Variants in BAZ2B observed in about 807,000 individuals in gnomAD.
BAZ2B encodes the protein bromodomain adjacent to zinc finger domain protein 2B.
BAZ2B carries 91 observed loss-of-function variants against 246.0 expected under a neutral mutation model. The observed-to-expected ratio is 0.37, with a 90% CI of 0.31 to 0.44. The LOEUF (loss-of-function observed/expected upper bound fraction) is 0.44. BAZ2B is among the 20% of genes least tolerant of loss of function. BAZ2B has a pLI of 1.00. For missense variants in BAZ2B, 2,332 were observed against 2,533.7 expected, an observed-to-expected ratio of 0.92 and a Z score of 1.71; for synonymous variants, 855 against 860.0, an observed-to-expected ratio of 0.99 and a Z score of 0.10.
At chr2:159,522,816 C>T (rs142155840) in intron 2 of BAZ2B, among the ~76,000 whole-genome samples, 90 of 152,152 alleles carry the variant, frequency 5.9e-4, no homozygotes, top group African/African-American at 1.9e-3. Flanking sequence ...GAGAAACAGA[C>T]GCTTTAAACG....
chr2:159,412,634 C>A, intron 13 of BAZ2B, 89 bp from the exon 14 acceptor site: 2 of 1,313,638 alleles, frequency 1.5e-6, no homozygotes, highest in Non-Finnish European at 2.1e-6. Flanking sequence ...CTAAAAATCA[C>A]ATATATTTTG....
intron 22 of BAZ2B, 133 bp from the exon 23 acceptor site, chr2:159,385,502 A>C (rs1044753669): frequency 1.0e-5 from 7 of 701,730 alleles, no homozygotes; most frequent in Non-Finnish European, 1.6e-5. Flanking sequence ...TTTTTAATGA[A>C]AGAGACACAA....
At chr2:159,628,246 A>G in the BAZ2B span, among the ~76,000 whole-genome samples, 1 of 152,254 alleles carries the variant, frequency 6.6e-6, no homozygotes, top group South Asian at 2.1e-4. Flanking sequence ...CATACTGCCC[A>G]AAGTAATTTA....
At chr2:159,512,257 TA>T (rs2151192921) in intron 2 of BAZ2B, among the ~76,000 whole-genome samples, 1 of 152,320 alleles carries the variant, frequency 6.6e-6, no homozygotes, top group Admixed American at 6.5e-5. Flanking sequence ...AAAAACATCA[TA>T]AATGTAAACA....
intron 36 of BAZ2B, among the ~76,000 whole-genome samples, chr2:159,321,447 T>G (rs1374149413): frequency 2.0e-5 from 3 of 152,104 alleles, no homozygotes; most frequent in African/African-American, 7.2e-5. Flanking sequence ...AAAGAGATAT[T>G]TGCACTCCTA....
chr2:159,706,365 G>T, the BAZ2B span, among the ~76,000 whole-genome samples: 89 of 152,278 alleles, frequency 5.8e-4, no homozygotes, highest in African/African-American at 2.1e-3. Context: ...AAAAATTTAA[G>T]ATAAAACAGG....
chr2:159,479,199 T>TC (rs1421416366), intron 2 of BAZ2B, among the ~76,000 whole-genome samples: 1 of 152,012 alleles, frequency 6.6e-6, no homozygotes, highest in East Asian at 1.9e-4. Context: ...GGCCTGGGAA[T>TC]CCCCCCCATA....
intron 1 of BAZ2B, among the ~76,000 whole-genome samples, chr2:159,563,771 C>T (rs184126182): frequency 5.9e-5 from 9 of 152,182 alleles, no homozygotes; most frequent in African/African-American, 2.2e-4. Context: ...ATACTTAATG[C>T]CACTGAATAC....
At chr2:159,373,999 C>T (rs61589375) in intron 26 of BAZ2B, among the ~76,000 whole-genome samples, 2,363 of 151,682 alleles carry the variant, frequency 0.016, 73 homozygotes, top group African/African-American at 0.054. Context: ...CCTTTGAAAA[C>T]TCATTTTTGT....
intron 8 of BAZ2B, chr2:159,434,899 C>G (rs949795635): frequency 1.1e-4 from 17 of 151,978 alleles, no homozygotes; most frequent in Middle Eastern, 3.2e-3. Flanking sequence ...ACTTATTTAA[C>G]TATTAGAATC....
the BAZ2B span, among the ~76,000 whole-genome samples, chr2:159,701,770 C>G: frequency 4.0e-5 from 6 of 150,418 alleles, no homozygotes; most frequent in African/African-American, 1.5e-4. Flanking sequence ...ACTCTGTCAC[C>G]CAGGATGGAG....
At chr2:159,657,869 T>C in the BAZ2B span, among the ~76,000 whole-genome samples, 1 of 152,224 alleles carries the variant, frequency 6.6e-6, no homozygotes, top group Non-Finnish European at 1.5e-5. Flanking sequence ...ATTCTTTAAA[T>C]CTGCAAACAA....
intron 1 of BAZ2B, among the ~76,000 whole-genome samples, chr2:159,601,361 C>T (rs1052729323): frequency 5.1e-4 from 77 of 151,660 alleles, no homozygotes; most frequent in African/African-American, 1.9e-3. Context: ...GAGGTCAAGG[C>T]TGCAGTGAGC....
At chr2:159,402,612 C>G (rs1410093055) in intron 16 of BAZ2B, among the ~76,000 whole-genome samples, 1 of 152,122 alleles carries the variant, frequency 6.6e-6, no homozygotes. Context: ...CTTGATCTGA[C>G]TTTTCTGCTC....
chr2:159,374,066 G>GT lies in BAZ2B; in HGVS notation c.4068+624dup, dbSNP rs1408973462. Among the ~76,000 whole-genome samples, 23 of 125,260 alleles carry GT rather than the reference G, an allele frequency of 1.8e-4. No homozygotes were observed. The South Asian group carries it at 1.8e-3, about 10-fold the overall frequency. The allele number at this position is 125,260 out of a possible 152,430, so 82.2% of individuals were successfully genotyped here. On this transcript the variant is annotated intron_variant, in intron 26 of 36. Coordinates refer to ENST00000392783, the MANE Select transcript of BAZ2B (RefSeq NM_013450.4). Reference sequence around the variant, plus strand: ...ATGCTATGAAATTCAGTTTTTCTTAGTTTTTTTTTCTTTTTTTTTTTTTTT... The same window carrying GT: ...ATGCTATGAAATTCAGTTTTTCTTAGTTTTTTTTTTCTTTTTTTTTTTTTTT...
At chr2:159,623,835 T>G in the BAZ2B span, among the ~76,000 whole-genome samples, 1 of 152,226 alleles carries the variant, frequency 6.6e-6, no homozygotes, top group Non-Finnish European at 1.5e-5. Flanking sequence ...ATAATCCAAA[T>G]ATCTGTCATA....
Position 159,412,369 on chromosome 2 carries a change from T to A in BAZ2B, c.2643A>T (p.Ala881=), listed in dbSNP as rs1447589406. The change falls in exon 14 of 37, where the codon GCA becomes GCT. Residue 881 remains alanine (A), a synonymous_variant. Transcript: ENST00000392783. Reference sequence around the variant, plus strand: ...GCAGTTTTCTTAGCAACTTTGCATCTGCGTTATCTAGGAATTCAGCATTGC... The same window carrying A: ...GCAGTTTTCTTAGCAACTTTGCATCAGCGTTATCTAGGAATTCAGCATTGC... ...NVGNAEFLDN[A]DAKLLRKLQA... is the part of the protein sequence containing the mutation. 6.2e-7 allele frequency: 1 copy of A among 1,614,074 alleles called. No individual in the cohort carries two copies. Among genetic ancestry groups the A allele is most frequent in the African/African-American group, 1.3e-5 (1 of 74,942 alleles).
downstream of BAZ2B, among the ~76,000 whole-genome samples, chr2:159,315,661 T>C (rs1169040262): frequency 6.6e-6 from 1 of 152,198 alleles, no homozygotes; most frequent in Non-Finnish European, 1.5e-5. Flanking sequence ...TTCACAAAGC[T>C]ATCACTATGC....
At chr2:159,641,234 A>AT in the BAZ2B span, among the ~76,000 whole-genome samples, 13 of 152,070 alleles carry the variant, frequency 8.5e-5, no homozygotes, top group African/African-American at 2.9e-4. Context: ...AGCATCTGTT[A>AT]TTTTTTGACT....
Sources: gnomAD v4.1 joint callset for allele counts (sites outside exome capture counted in the v4.1 genomes callset) on GRCh38, gnomAD v4.1.1 for gene constraint, MANE v1.5 for transcripts, NCBI Gene and HGNC (gene_info 2026-07-23, HGNC 2026-07-21) for gene names.